Variants in PTPRK observed in about 807,000 individuals in gnomAD.
PTPRK encodes the protein receptor-type tyrosine-protein phosphatase kappa.
Under a neutral mutation model 178.0 loss-of-function variants are expected in PTPRK, and 75 were observed. That is an observed-to-expected ratio of 0.42 (90% CI 0.35 to 0.51). PTPRK has a LOEUF of 0.51. PTPRK is among the 20% of genes least tolerant of loss of function. PTPRK has a pLI of 0.02. For synonymous variants in PTPRK, 637 were observed against 620.6 expected (o/e 1.03, Z -0.39); for missense variants, 1,441 against 1,797.8 (o/e 0.80, Z 3.59).
At chr6:128,042,197 C>T (rs923909005) in intron 13 of PTPRK, among the ~76,000 whole-genome samples, 9 of 151,966 alleles carry the variant, frequency 5.9e-5, no homozygotes, top group South Asian at 2.1e-4. Context: ...GCCCACTGTC[C>T]GATTCCAAAG....
In PTPRK at chr6:128,456,729, T is replaced by C. The variant is rs184829232; in HGVS notation, c.101-59041A>G. Among the ~76,000 whole-genome samples, 876 of 152,232 alleles carry C rather than the reference T, an allele frequency of 5.8e-3. 7 individuals carry two copies. The highest frequency in any genetic ancestry group is 7.4e-3 in the Non-Finnish European group (503 of 67,986). On this transcript the variant is annotated intron_variant, in intron 1 of 29. Transcript: ENST00000368226. ...GACTATGGACAACTGCCTGGGTCTT[T>C]CCGGTTTTTAAGCAAACATTAGATG...
At chr6:128,466,146 TG>T (rs945192649) in intron 1 of PTPRK, among the ~76,000 whole-genome samples, 1 of 152,192 alleles carries the variant, frequency 6.6e-6, no homozygotes, top group Non-Finnish European at 1.5e-5. Context: ...AATTACTAAA[TG>T]TTTTTTTCCT....
At chr6:128,477,801 C>T (rs545940729) in intron 1 of PTPRK, among the ~76,000 whole-genome samples, 1 of 151,954 alleles carries the variant, frequency 6.6e-6, no homozygotes, top group South Asian at 2.1e-4. Context: ...TAGTAAAAAC[C>T]CAACCTGATT....
chr6:127,996,742 A>C (rs1288443924), intron 17 of PTPRK, among the ~76,000 whole-genome samples, 159 bp downstream of exon 17: 1 of 152,162 alleles, frequency 6.6e-6, no homozygotes, highest in Non-Finnish European at 1.5e-5. Flanking sequence ...AAGTGCTGGG[A>C]TTACAGGCAT....
chr6:128,451,627 T>G (rs1584780669), intron 1 of PTPRK, among the ~76,000 whole-genome samples: 1 of 152,142 alleles, frequency 6.6e-6, no homozygotes, highest in African/African-American at 2.4e-5. Context: ...GGTAAATTTT[T>G]TTTGTTTGTT....
At chr6:127,984,462 G>C (rs1160677542) in intron 22 of PTPRK, among the ~76,000 whole-genome samples, 1 of 152,132 alleles carries the variant, frequency 6.6e-6, no homozygotes, top group African/African-American at 2.4e-5. Flanking sequence ...GCGGGGAGTG[G>C]GGAATTCACT....
chr6:128,275,259 C>A (rs1820539707), intron 3 of PTPRK, among the ~76,000 whole-genome samples: 1 of 152,002 alleles, frequency 6.6e-6, no homozygotes, highest in African/African-American at 2.4e-5. Flanking sequence ...CTGACTCAAG[C>A]TCTTATGTTA....
intron 3 of PTPRK, among the ~76,000 whole-genome samples, chr6:128,269,047 T>C (rs1819384434): frequency 6.6e-6 from 1 of 152,016 alleles, no homozygotes; most frequent in African/African-American, 2.4e-5. Flanking sequence ...CACCAATAAA[T>C]TGTAAATATG....
intron 3 of PTPRK, among the ~76,000 whole-genome samples, chr6:128,292,481 AT>A (rs1212930549): frequency 6.6e-6 from 1 of 152,142 alleles, no homozygotes; most frequent in Non-Finnish European, 1.5e-5. Flanking sequence ...AAATTAGAGC[AT>A]AATGTATTTT....
intron 1 of PTPRK, among the ~76,000 whole-genome samples, chr6:128,502,966 A>T (rs1020147848): frequency 6.6e-6 from 1 of 152,146 alleles, no homozygotes; most frequent in African/African-American, 2.4e-5. Flanking sequence ...GGTGGCTCAC[A>T]TCTGTAATCT....
intron 6 of PTPRK, among the ~76,000 whole-genome samples, chr6:128,187,034 T>C (rs544787754): frequency 2.0e-4 from 31 of 152,204 alleles, no homozygotes; most frequent in African/African-American, 7.5e-4. Context: ...AGTGTAGGGA[T>C]AGAATAAACA....
At chr6:128,228,201 A>G (rs1811690505) in intron 5 of PTPRK, among the ~76,000 whole-genome samples, 1 of 152,108 alleles carries the variant, frequency 6.6e-6, no homozygotes, top group Non-Finnish European at 1.5e-5. Context: ...ATGATTCCTG[A>G]ATAATGAGTG....
chr6:128,473,011 T>C (rs543268305), intron 1 of PTPRK, among the ~76,000 whole-genome samples: 12 of 152,260 alleles, frequency 7.9e-5, no homozygotes, highest in African/African-American at 2.6e-4. Flanking sequence ...ACACCTGATA[T>C]AATTCACAGT....
At chr6:128,083,156 T>C (rs1480802787) in intron 9 of PTPRK, among the ~76,000 whole-genome samples, 6 of 152,108 alleles carry the variant, frequency 3.9e-5, no homozygotes, top group Non-Finnish European at 8.8e-5. Context: ...TAATCAACGC[T>C]ATGTAGGAAC....
chr6:128,277,914 A>G (rs1820988727), intron 3 of PTPRK, among the ~76,000 whole-genome samples: 1 of 152,164 alleles, frequency 6.6e-6, no homozygotes, highest in Admixed American at 6.5e-5. Flanking sequence ...TGGGCATGAT[A>G]TGAGAACATG....
At chr6:128,422,988 G>C (rs1177462924) in intron 1 of PTPRK, among the ~76,000 whole-genome samples, 1 of 152,160 alleles carries the variant, frequency 6.6e-6, no homozygotes, top group Non-Finnish European at 1.5e-5. Context: ...AATTTGGGAA[G>C]TCCAGCATCT....
At chr6:128,041,793 T>A (rs950635509) in intron 13 of PTPRK, among the ~76,000 whole-genome samples, 3 of 151,242 alleles carry the variant, frequency 2.0e-5, no homozygotes, top group African/African-American at 7.3e-5. Flanking sequence ...GATATACAGT[T>A]TTATATATCT....
intron 1 of PTPRK, among the ~76,000 whole-genome samples, chr6:128,412,598 G>A (rs891170139): frequency 1.3e-5 from 2 of 152,204 alleles, no homozygotes; most frequent in African/African-American, 4.8e-5. Context: ...TGGTAGGCCA[G>A]CAGCCTCATA....
chr6:127,976,353 C>T (rs976055274), intron 27 of PTPRK, among the ~76,000 whole-genome samples: 5 of 152,126 alleles, frequency 3.3e-5, no homozygotes, highest in African/African-American at 1.2e-4. Flanking sequence ...TGCAGTCATC[C>T]TTAAGATAAG....
Sources: gnomAD v4.1 joint callset for allele counts (sites outside exome capture counted in the v4.1 genomes callset) on GRCh38, gnomAD v4.1.1 for gene constraint, MANE v1.5 for transcripts, NCBI Gene and HGNC (gene_info 2026-07-23, HGNC 2026-07-21) for gene names.